Variants in SPIRE1 observed in about 807,000 individuals in gnomAD.
SPIRE1 encodes spire type actin nucleation factor 1.
SPIRE1 carries 40 observed loss-of-function variants against 94.1 expected under a neutral mutation model. That is an observed-to-expected ratio of 0.43 (90% CI 0.33 to 0.55). SPIRE1 has a LOEUF of 0.55. SPIRE1 is among the 20% of genes least tolerant of loss of function. The probability of loss-of-function intolerance (pLI) is 0.06; values close to 1 mark genes in which losing one functional copy is unlikely to be tolerated. For synonymous variants in SPIRE1, 376 were observed against 371.7 expected, an observed-to-expected ratio of 1.01 and a Z score of -0.13; for missense variants, 838 against 975.2, an observed-to-expected ratio of 0.86 and a Z score of 1.87.
chr18:12,509,784 C>CAAA lies in SPIRE1; in HGVS notation c.807+2667_807+2669dup, dbSNP rs771381635. Among the ~76,000 whole-genome samples the CAAA allele has an allele frequency of 1.3e-4, 20 of 151,974 alleles. 1 individual carries two copies. The highest frequency in any genetic ancestry group is 1.2e-4 in the Non-Finnish European group (8 of 67,956). ...TTATGAAGAGTGAAAGAAGCCAAACCAAAAACAGTACATACCAGCTGGGTG... is the reference window on the plus strand; with the variant it reads ...TTATGAAGAGTGAAAGAAGCCAAACCAAAAAAAACAGTACATACCAGCTGGGTG... On this transcript the variant is annotated intron_variant, in intron 5 of 16. Transcript: ENST00000409402.
At chr18:12,659,428 G>A (rs1410685017), upstream of SPIRE1, among the ~76,000 whole-genome samples, 1 of 152,194 alleles carries the variant, frequency 6.6e-6, no homozygotes, top group Non-Finnish European at 1.5e-5. Flanking sequence ...AGCACTTTGG[G>A]AGGCTGAGGC....
At chr18:12,586,682 T>C (rs1459284844) in intron 2 of SPIRE1, among the ~76,000 whole-genome samples, 1 of 152,212 alleles carries the variant, frequency 6.6e-6, no homozygotes, top group Non-Finnish European at 1.5e-5. Context: ...AGTGAATTTA[T>C]ATTATATAAA....
At chr18:12,575,959 T>G (rs2036082772) in intron 2 of SPIRE1, among the ~76,000 whole-genome samples, 1 of 152,214 alleles carries the variant, frequency 6.6e-6, no homozygotes, top group Admixed American at 6.5e-5. Flanking sequence ...ATCCCAGCAC[T>G]TCGGGAGGCC....
chr18:12,489,642 T>TTAATAA (rs2033161918), intron 8 of SPIRE1, among the ~76,000 whole-genome samples: 1 of 152,184 alleles, frequency 6.6e-6, no homozygotes, highest in Non-Finnish European at 1.5e-5. Context: ...AGAAAAAGCT[T>TTAATAA]GTGAATCAGG....
intron 8 of SPIRE1, among the ~76,000 whole-genome samples, chr18:12,491,822 C>A (rs555631097): frequency 9.5e-4 from 145 of 152,322 alleles, no homozygotes; most frequent in Non-Finnish European, 1.9e-3. Flanking sequence ...ACAATCAGTG[C>A]TGCTGCGACA....
At chr18:12,630,687 A>G (rs1249773076) in intron 2 of SPIRE1, among the ~76,000 whole-genome samples, 1 of 151,958 alleles carries the variant, frequency 6.6e-6, no homozygotes, top group Non-Finnish European at 1.5e-5. Flanking sequence ...GCAGCTATCC[A>G]CCCTCAATGG....
chr18:12,553,664 C>T (rs2035420063), intron 2 of SPIRE1, among the ~76,000 whole-genome samples: 1 of 152,130 alleles, frequency 6.6e-6, no homozygotes, highest in Non-Finnish European at 1.5e-5. Flanking sequence ...CCTGGGGGAA[C>T]TTGCTGCCCT....
At chr18:12,478,726 G>A (rs2032718520) in intron 10 of SPIRE1, among the ~76,000 whole-genome samples, 1 of 152,108 alleles carries the variant, frequency 6.6e-6, no homozygotes, top group South Asian at 2.1e-4. Context: ...AGTTGATTTT[G>A]AGGAAGGGCA....
chr18:12,472,244 G>C (rs2143688750), intron 10 of SPIRE1, among the ~76,000 whole-genome samples: 1 of 152,072 alleles, frequency 6.6e-6, no homozygotes, highest in Admixed American at 6.5e-5. Context: ...CTTGAGACTG[G>C]GAGTTCAAGA....
intron 2 of SPIRE1, among the ~76,000 whole-genome samples, chr18:12,614,399 G>A (rs2037226274): frequency 6.6e-6 from 1 of 152,198 alleles, no homozygotes; most frequent in South Asian, 2.1e-4. Context: ...ACCAGACAGT[G>A]CAGCTCTAGA....
At position 12,490,113 on chromosome 18, in the gene SPIRE1, G is replaced by A. The variant is rs554046204; in HGVS notation, c.1189+2959C>T. Reference sequence around the variant, plus strand: ...TAGGGTTTAATATCCATTTGAACTCGGAATTCTAGAAGTAACACTCTCACA... The same window carrying A: ...TAGGGTTTAATATCCATTTGAACTCAGAATTCTAGAAGTAACACTCTCACA... On this transcript the variant is annotated intron_variant, in intron 8 of 16. Transcript: ENST00000409402. 6.6e-5 allele frequency among the ~76,000 whole-genome samples: 10 copies of A among 152,202 alleles called. No individual in the cohort carries two copies. In the East Asian group the frequency reaches 7.7e-4, roughly 12 times the overall value.
At chr18:12,511,788 G>C (rs1334830543) in intron 5 of SPIRE1, among the ~76,000 whole-genome samples, 2 of 152,042 alleles carry the variant, frequency 1.3e-5, no homozygotes, top group African/African-American at 4.8e-5. Context: ...GCAGTGGTGT[G>C]ATCATAGTTC....
At chr18:12,620,414 C>A (rs1248334696) in intron 2 of SPIRE1, among the ~76,000 whole-genome samples, 1 of 152,118 alleles carries the variant, frequency 6.6e-6, no homozygotes, top group Non-Finnish European at 1.5e-5. Flanking sequence ...TCACACTTAC[C>A]AATTTCAAAA....
intron 2 of SPIRE1, 101 bp downstream of exon 2, chr18:12,634,961 C>A: frequency 5.0e-6 from 3 of 605,266 alleles, no homozygotes; most frequent in Non-Finnish European, 5.7e-6. Flanking sequence ...GAAATCTTAT[C>A]AGAAGACCAA....
chr18:12,539,164 G>A (rs1337013768), intron 3 of SPIRE1, among the ~76,000 whole-genome samples: 3 of 152,208 alleles, frequency 2.0e-5, no homozygotes, highest in Admixed American at 2.0e-4. Flanking sequence ...TATTTGATAT[G>A]GTTTGGCTGT....
At chr18:12,498,543 C>T (rs182278476) in intron 6 of SPIRE1, among the ~76,000 whole-genome samples, 320 of 152,194 alleles carry the variant, frequency 2.1e-3, no homozygotes, top group African/African-American at 7.2e-3. Context: ...TCTGGGCGCC[C>T]GGCCCAACAA....
intron 4 of SPIRE1, among the ~76,000 whole-genome samples, chr18:12,534,587 GA>G (rs1263603169): frequency 1.3e-5 from 2 of 152,110 alleles, no homozygotes; most frequent in Admixed American, 1.3e-4. Context: ...ACAGAGGAAG[GA>G]AAATTGGTCT....
chr18:12,473,711 G>A (rs2032452637), intron 10 of SPIRE1, among the ~76,000 whole-genome samples: 1 of 152,158 alleles, frequency 6.6e-6, no homozygotes, highest in Admixed American at 6.6e-5. Context: ...AATTTCATGA[G>A]TATTTGATCT....
In SPIRE1 at chr18:12,449,350, C is replaced by T. The variant is rs182005896; in HGVS notation, c.*288G>A. 6.8e-4 allele frequency: 250 copies of T among 368,378 alleles called. 2 individuals are homozygous for T. The Middle Eastern group carries it at 0.011, about 16-fold the overall frequency. The allele number at this position is 368,378 out of a possible 1,614,324, so 22.8% of individuals were successfully genotyped here. A position where few individuals can be genotyped will look rare whatever the true frequency, so the allele number is the denominator to read the frequency against. ...AGATTATTCGAGGAACAGTAAAGAA[C>T]TGAACTAAGGAAGTAGCTACTGGCT... On this transcript the variant is annotated 3_prime_UTR_variant, in exon 17 of 17. Coordinates refer to ENST00000409402, the MANE Select transcript of SPIRE1 (RefSeq NM_001128626.2).
Sources: allele counts gnomAD v4.1 joint callset (sites outside exome capture counted in the v4.1 genomes callset), GRCh38; gene constraint gnomAD v4.1.1; transcripts MANE v1.5; gene names NCBI Gene and HGNC (gene_info 2026-07-23, HGNC 2026-07-21).